The following VDAC1 variants were observed in gnomAD, a reference collection of about 807,000 sequenced individuals.
The protein encoded by VDAC1 is voltage dependent anion channel 1.
In VDAC1, 10 loss-of-function variants were observed where a neutral mutation model predicts 34.7. That is an observed-to-expected ratio of 0.29 (90% confidence interval 0.18 to 0.49). The LOEUF is 0.49. Among genes scored for constraint, VDAC1 ranks in the 20% least tolerant of loss-of-function variants. The pLI, the probability that VDAC1 is intolerant of heterozygous loss-of-function variation, is 0.99. For synonymous variants in VDAC1, 130 were observed against 136.0 expected, an observed-to-expected ratio of 0.96 and a Z score of 0.30; for missense variants, 230 against 347.9, an observed-to-expected ratio of 0.66 and a Z score of 2.69.
At chr5:134,061,625 A>C in the VDAC1 span, among the ~76,000 whole-genome samples, 1 of 151,724 alleles carries the variant, frequency 6.6e-6, no homozygotes, top group African/African-American at 2.4e-5. Flanking sequence ...CTCCTGCCTC[A>C]GCCCCCAAGA....
At chr5:134,108,092 G>C in the VDAC1 span, among the ~76,000 whole-genome samples, 1 of 152,224 alleles carries the variant, frequency 6.6e-6, no homozygotes, top group Non-Finnish European at 1.5e-5. Flanking sequence ...CCTGAAAGGA[G>C]AAAGTATCTC....
chr5:134,048,520 G>C, the VDAC1 span, among the ~76,000 whole-genome samples: 1 of 152,106 alleles, frequency 6.6e-6, no homozygotes. Context: ...TAATCCACCC[G>C]CCTCAGCCTC....
rs1032370000 is a variant in VDAC1, at chr5:133,977,430, C to T, written c.552-1409G>A. ...CCTCTCTTACAAACACACTGAATGA[C>T]TCCAGTTGCTGGGAATATCCCTTTC... On this transcript the variant is annotated intron_variant, in intron 6 of 8. Transcript: ENST00000265333. Among the ~76,000 whole-genome samples the T allele has an allele frequency of 2.6e-5, 4 of 152,234 alleles. 1 individual carries two copies. The highest frequency in any genetic ancestry group is 2.6e-4 in the Admixed American group (4 of 15,288).
At chr5:133,976,573 G>A (rs1396346238) in intron 6 of VDAC1, among the ~76,000 whole-genome samples, 1 of 151,926 alleles carries the variant, frequency 6.6e-6, no homozygotes, top group African/African-American at 2.4e-5. Context: ...CTAGCATTTT[G>A]GGAGGCCGAG....
At chr5:134,107,409 C>G in the VDAC1 span, among the ~76,000 whole-genome samples, 3 of 152,268 alleles carry the variant, frequency 2.0e-5, no homozygotes, top group Non-Finnish European at 4.4e-5. Context: ...GATGAAATCT[C>G]TCTGTGTAAT....
At chr5:134,017,188 C>T in the VDAC1 span, among the ~76,000 whole-genome samples, 2 of 151,958 alleles carry the variant, frequency 1.3e-5, no homozygotes, top group African/African-American at 4.9e-5. Flanking sequence ...TATTTCAAGC[C>T]GGGCGCGGTG....
rs1580729124 is a variant in VDAC1 at position 133,997,612 on chromosome 5, G to A, written c.-6-4594C>T. ...GCCTGTAATGCCAGCTACTTGAGAG[G>A]CTGAGGCACAAGCTTAAACCAGGAG... On this transcript the variant is annotated intron_variant, in intron 1 of 8. Coordinates refer to ENST00000265333, the MANE Select transcript of VDAC1 (RefSeq NM_003374.3). Among the ~76,000 whole-genome samples, 12 of 150,872 alleles carry A rather than the reference G, an allele frequency of 8.0e-5. 3 individuals carry two copies. The Admixed American group carries it at 8.0e-4, about 10-fold the overall frequency.
the VDAC1 span, among the ~76,000 whole-genome samples, chr5:134,078,464 A>G: frequency 6.6e-6 from 1 of 151,988 alleles, no homozygotes; most frequent in African/African-American, 2.4e-5. Context: ...TTGTTTAGGG[A>G]CCCGCCACCG....
chr5:133,987,666 G>A (rs567817470), intron 5 of VDAC1, among the ~76,000 whole-genome samples: 1 of 152,064 alleles, frequency 6.6e-6, no homozygotes, highest in South Asian at 2.1e-4. Context: ...TTTGCCAAGC[G>A]TAACTGTTGC....
chr5:134,055,596 T>TTTTTTTTGTTTTTGTTTTTG, the VDAC1 span, among the ~76,000 whole-genome samples: 1 of 41,946 alleles, frequency 2.4e-5, no homozygotes, highest in African/African-American at 6.3e-5. Flanking sequence ...ATGTTTTTTT[T>TTTTTTTTGTTTTTGTTTTTG]TTTTTTTTTT....
At chr5:134,025,328 A>G in the VDAC1 span, among the ~76,000 whole-genome samples, 3 of 152,142 alleles carry the variant, frequency 2.0e-5, no homozygotes, top group Non-Finnish European at 4.4e-5. Context: ...TCTTTACCAT[A>G]GGGAGGGCAC....
At chr5:134,055,588 G>GGTTTTGTTTTTTTTTTGTTTT in the VDAC1 span, among the ~76,000 whole-genome samples, 1 of 59,626 alleles carries the variant, frequency 1.7e-5, no homozygotes, top group Admixed American at 2.3e-4. Context: ...CCCCGCTAAT[G>GGTTTTGTTTTTTTTTTGTTTT]TTTTTTTTTT....
the VDAC1 span, among the ~76,000 whole-genome samples, chr5:134,055,588 G>GTTTTTGTTTT: frequency 6.7e-5 from 4 of 59,626 alleles, no homozygotes; most frequent in African/African-American, 2.9e-4. Context: ...CCCCGCTAAT[G>GTTTTTGTTTT]TTTTTTTTTT....
chr5:134,114,418 T>C, the VDAC1 span, among the ~76,000 whole-genome samples: 1 of 151,998 alleles, frequency 6.6e-6, no homozygotes, highest in African/African-American at 2.4e-5. Context: ...AGGAGAAACC[T>C]GGGCGCAGAA....
the VDAC1 span, among the ~76,000 whole-genome samples, chr5:134,079,343 G>A: frequency 0.031 from 4,685 of 152,306 alleles, 82 homozygotes; most frequent in African/African-American, 0.041. Flanking sequence ...GGGACCAGGC[G>A]ACACAGTGAG....
chr5:133,978,813 G>C (rs1752576585), intron 6 of VDAC1, among the ~76,000 whole-genome samples: 1 of 152,078 alleles, frequency 6.6e-6, no homozygotes, highest in African/African-American at 2.4e-5. Context: ...ACAAGTTCAA[G>C]AACAACCTGG....
At chr5:134,006,074 G>A (rs183303400), upstream of VDAC1, among the ~76,000 whole-genome samples, 40 of 152,362 alleles carry the variant, frequency 2.6e-4, no homozygotes, top group Non-Finnish European at 5.1e-4. Flanking sequence ...GAGGAAGAGG[G>A]CAGCTGATAC....
chr5:133,983,488 G>C (rs1752779112), intron 5 of VDAC1, among the ~76,000 whole-genome samples: 1 of 151,978 alleles, frequency 6.6e-6, no homozygotes, highest in African/African-American at 2.4e-5. Context: ...CTGTGTGATA[G>C]GAATAGAATG....
chr5:134,049,582 T>C, the VDAC1 span, among the ~76,000 whole-genome samples: 12 of 152,166 alleles, frequency 7.9e-5, no homozygotes, highest in Non-Finnish European at 1.8e-4. Flanking sequence ...AGTTTATTTT[T>C]TTGTTTGTTT....
Sources: gnomAD v4.1 joint callset for allele counts (sites outside exome capture counted in the v4.1 genomes callset) on GRCh38, gnomAD v4.1.1 for gene constraint, MANE v1.5 for transcripts, NCBI Gene and HGNC (gene_info 2026-07-23, HGNC 2026-07-21) for gene names.